The following PLPP4 variants were observed in gnomAD, a reference collection of about 807,000 sequenced individuals.
PLPP4 encodes the protein diacylglycerol pyrophosphate like 2.
A neutral mutation model predicts 32.2 loss-of-function variants in PLPP4; 20 were observed. The observed-to-expected ratio is 0.62, with a 90% confidence interval of 0.44 to 0.90. PLPP4 has a LOEUF of 0.90. Among genes scored for constraint, PLPP4 ranks in the 40% least tolerant of loss-of-function variants. The pLI, the probability that PLPP4 is intolerant of heterozygous loss-of-function variation, is 0.00. For missense variants in PLPP4, 257 were observed against 353.1 expected (o/e 0.73, Z 2.18); for synonymous variants, 127 against 133.0 (o/e 0.95, Z 0.31).
At chr10:120,587,115 AGAG>A (rs2134088744) in intron 6 of PLPP4, 1 of 153,128 alleles carries the variant, frequency 6.5e-6, no homozygotes, top group East Asian at 1.9e-4. Context: ...TGGAGCCCCA[AGAG>A]GAGAAGCAGC....
chr10:120,497,988 A>G (rs1034382616), intron 1 of PLPP4, among the ~76,000 whole-genome samples: 1 of 152,034 alleles, frequency 6.6e-6, no homozygotes, highest in African/African-American at 2.4e-5. Context: ...TGCAGTGAGC[A>G]GAGATCGCAC....
At chr10:120,525,464 A>C (rs7904972) in intron 5 of PLPP4, among the ~76,000 whole-genome samples, 150,175 of 152,288 alleles carry the variant, frequency 0.99, 74,061 homozygotes, top group East Asian at 1. Context: ...TCAACAGATG[A>C]TTCTTGAGTT....
At position 120,511,456 on chromosome 10, in the gene PLPP4, C is replaced by A. The variant is rs372250594; in HGVS notation, c.166-2455C>A. On this transcript the variant is annotated intron_variant, in intron 2 of 6. Coordinates refer to ENST00000398250, the MANE Select transcript of PLPP4 (RefSeq NM_001030059.3). ...CCTTAGATTATACCAGCTGGGATTG[C>A]CTTGAAATGTTTCCTTCAAAACCAT... 8.9e-4 allele frequency among the ~76,000 whole-genome samples: 136 copies of A among 152,258 alleles called. 2 individuals carry two copies. In the South Asian group the frequency reaches 0.024, roughly 27 times the overall value.
At chr10:120,526,773 C>T (rs552912354) in intron 5 of PLPP4, among the ~76,000 whole-genome samples, 2 of 152,256 alleles carry the variant, frequency 1.3e-5, no homozygotes, top group Non-Finnish European at 1.5e-5. Context: ...TTCTCTTTAT[C>T]GGCACTTTCC....
chr10:120,566,981 T>A (rs2134028635), intron 5 of PLPP4, among the ~76,000 whole-genome samples: 1 of 152,340 alleles, frequency 6.6e-6, no homozygotes, highest in Middle Eastern at 3.4e-3. Context: ...AAGCTCAAGG[T>A]CTGCAGTTCC....
At chr10:120,577,184 CT>C (rs1010654405) in intron 6 of PLPP4, among the ~76,000 whole-genome samples, 15 of 151,554 alleles carry the variant, frequency 9.9e-5, no homozygotes, top group Non-Finnish European at 1.5e-4. Flanking sequence ...TGGAGACAGA[CT>C]TTTTTTTTGG....
intron 2 of PLPP4, 21 bp from the exon 3 acceptor site, chr10:120,513,890 A>G (rs376562286): frequency 1.6e-4 from 251 of 1,584,382 alleles, no homozygotes; most frequent in Non-Finnish European, 2.1e-4. Flanking sequence ...CTCATAAGGG[A>G]TTGTTTGTTA....
intron 1 of PLPP4, among the ~76,000 whole-genome samples, chr10:120,499,758 T>C (rs1039956946): frequency 6.6e-5 from 10 of 152,088 alleles, no homozygotes; most frequent in African/African-American, 2.4e-4. Flanking sequence ...ATATTAAAGT[T>C]TGGGAACCGC....
At chr10:120,499,976 T>A (rs1163012712) in intron 1 of PLPP4, among the ~76,000 whole-genome samples, 1 of 152,158 alleles carries the variant, frequency 6.6e-6, no homozygotes, top group Non-Finnish European at 1.5e-5. Flanking sequence ...CCTGTTAAGA[T>A]CCTTAAGCTT....
At chr10:120,571,418 C>A (rs1004020056) in intron 5 of PLPP4, among the ~76,000 whole-genome samples, 1 of 152,048 alleles carries the variant, frequency 6.6e-6, no homozygotes. Flanking sequence ...GGGACAGACA[C>A]TCACTTGGAA....
intron 1 of PLPP4, among the ~76,000 whole-genome samples, chr10:120,482,839 A>G (rs973620980): frequency 6.6e-6 from 1 of 151,780 alleles, no homozygotes; most frequent in Non-Finnish European, 1.5e-5. Flanking sequence ...GTGAATCTGG[A>G]AGGCGGAGCT....
intron 5 of PLPP4, among the ~76,000 whole-genome samples, chr10:120,553,412 C>T (rs1195035903): frequency 6.6e-6 from 1 of 152,180 alleles, no homozygotes; most frequent in Admixed American, 6.5e-5. Context: ...CATGTGATGA[C>T]ACAGTAAGAA....
chr10:120,497,251 G>A (rs138031220), intron 1 of PLPP4, among the ~76,000 whole-genome samples: 187 of 152,174 alleles, frequency 1.2e-3, no homozygotes, highest in Non-Finnish European at 2.2e-3. Context: ...GTTATATTTC[G>A]CTTTCAGATC....
chr10:120,550,560 G>A (rs1281310930), intron 5 of PLPP4, among the ~76,000 whole-genome samples: 3 of 151,908 alleles, frequency 2.0e-5, no homozygotes, highest in Non-Finnish European at 2.9e-5. Context: ...TCAAGCCAAT[G>A]TGGTTAAGGA....
chr10:120,464,756 G>A (rs10886693), intron 1 of PLPP4, among the ~76,000 whole-genome samples: 106,852 of 152,124 alleles, frequency 0.7, 40,458 homozygotes, highest in East Asian at 0.92. Flanking sequence ...CTATGTCCCC[G>A]TTGTGAACTT....
At chr10:120,487,744 A>G (rs974136354) in intron 1 of PLPP4, among the ~76,000 whole-genome samples, 2 of 152,188 alleles carry the variant, frequency 1.3e-5, no homozygotes, top group African/African-American at 2.4e-5. Flanking sequence ...AAAAAACTCT[A>G]AAGTCATCCA....
chr10:120,579,433 C>T (rs1272986406), intron 6 of PLPP4, among the ~76,000 whole-genome samples: 4 of 152,066 alleles, frequency 2.6e-5, no homozygotes, highest in Non-Finnish European at 5.9e-5. Flanking sequence ...TTATTGCGTT[C>T]GCCTGCTTTC....
intron 1 of PLPP4, among the ~76,000 whole-genome samples, chr10:120,480,134 A>G (rs1213955700): frequency 6.6e-6 from 1 of 152,206 alleles, no homozygotes; most frequent in African/African-American, 2.4e-5. Flanking sequence ...CTACCTGCCT[A>G]GACCTTTTTG....
intron 5 of PLPP4, among the ~76,000 whole-genome samples, chr10:120,539,885 A>C (rs1032910606): frequency 1.3e-5 from 2 of 152,084 alleles, no homozygotes; most frequent in Non-Finnish European, 2.9e-5. Flanking sequence ...AATTGCAAAA[A>C]CAATAATTAC....
Sources: allele counts gnomAD v4.1 joint callset (sites outside exome capture counted in the v4.1 genomes callset), GRCh38; gene constraint gnomAD v4.1.1; transcripts MANE v1.5; gene names NCBI Gene and HGNC (gene_info 2026-07-23, HGNC 2026-07-21).